The following TCF12 variants were observed in gnomAD, a reference collection of about 807,000 sequenced individuals.
The protein encoded by TCF12 is transcription factor 12, also known as DNA-binding protein HTF4.
A neutral mutation model predicts 86.0 loss-of-function variants in TCF12; 45 were observed. That is an observed-to-expected ratio of 0.52 (90% confidence interval 0.41 to 0.67). The LOEUF (loss-of-function observed/expected upper bound fraction) is 0.67. Ranked by LOEUF, TCF12 falls within the 30% of genes least tolerant of loss-of-function variation. The pLI is 0.00. For synonymous variants in TCF12, 330 were observed against 299.6 expected (o/e 1.10, Z -1.05); for missense variants, 881 against 859.9 (o/e 1.02, Z -0.31).
intron 3 of TCF12, among the ~76,000 whole-genome samples, chr15:56,997,649 C>T (rs1307625276): frequency 2.6e-5 from 4 of 151,952 alleles, no homozygotes; most frequent in African/African-American, 9.7e-5. Context: ...TTCAAATAAC[C>T]CAAAAGACAG....
At chr15:57,122,331 C>T (rs995823747) in intron 5 of TCF12, among the ~76,000 whole-genome samples, 2 of 152,074 alleles carry the variant, frequency 1.3e-5, no homozygotes, top group African/African-American at 4.8e-5. Context: ...CACTGGACTT[C>T]ATGTTTGTGG....
intron 3 of TCF12, among the ~76,000 whole-genome samples, chr15:57,051,415 C>T (rs2067606454): frequency 6.6e-6 from 1 of 152,116 alleles, no homozygotes. Flanking sequence ...CCTTGTGTTT[C>T]CCATCCGTAA....
intron 3 of TCF12, among the ~76,000 whole-genome samples, chr15:56,937,563 G>A (rs1224502047): frequency 4.0e-5 from 6 of 151,456 alleles, no homozygotes; most frequent in East Asian, 3.9e-4. Flanking sequence ...CTCTTGTCGG[G>A]TTCTCTGGCT....
chr15:57,074,371 A>G (rs1207483563), intron 4 of TCF12, among the ~76,000 whole-genome samples: 1 of 152,068 alleles, frequency 6.6e-6, no homozygotes, highest in African/African-American at 2.4e-5. Context: ...AAAAAAAAAA[A>G]AAAAAAAAAG....
chr15:57,254,823 A>AGTC (rs1555410186), intron 16 of TCF12, among the ~76,000 whole-genome samples: 38,202 of 145,446 alleles, frequency 0.26, 5,161 homozygotes, highest in African/African-American at 0.3. Context: ...ATGCTACTGC[A>AGTC]CTCCAGCCTA....
At chr15:57,175,463 C>T (rs1468073065) in intron 6 of TCF12, among the ~76,000 whole-genome samples, 1 of 152,148 alleles carries the variant, frequency 6.6e-6, no homozygotes, top group Non-Finnish European at 1.5e-5. Context: ...GTTTCCAGTC[C>T]CTTCTAGACT....
intron 5 of TCF12, among the ~76,000 whole-genome samples, chr15:57,150,873 C>CCGTCCCTT (rs2053687254): frequency 2.5e-5 from 1 of 40,626 alleles, no homozygotes; most frequent in African/African-American, 7.7e-5. Flanking sequence ...CCCCCTCTGT[C>CCGTCCCTT]CCTTCCTTCC....
intron 3 of TCF12, among the ~76,000 whole-genome samples, chr15:57,048,731 A>G (rs1220153793): frequency 6.6e-6 from 1 of 152,046 alleles, no homozygotes; most frequent in African/African-American, 2.4e-5. Flanking sequence ...TGATTTCTGT[A>G]TGTACCCATT....
intron 3 of TCF12, among the ~76,000 whole-genome samples, chr15:57,044,163 C>CT (rs1848116674): frequency 6.6e-6 from 1 of 152,124 alleles, no homozygotes. Flanking sequence ...TTTATATACT[C>CT]TTAGAAACAT....
At chr15:57,088,090 G>A (rs1425300136) in intron 4 of TCF12, among the ~76,000 whole-genome samples, 8 of 152,118 alleles carry the variant, frequency 5.3e-5, no homozygotes, top group African/African-American at 1.9e-4. Flanking sequence ...AATTGAAATA[G>A]CATTCATTTA....
chr15:57,247,699 T>C (rs112292862), intron 13 of TCF12: 5 of 743,348 alleles, frequency 6.7e-6, no homozygotes, highest in Non-Finnish European at 9.8e-6. Context: ...CACCAGACTT[T>C]ACAGAATCCT....
intron 8 of TCF12, among the ~76,000 whole-genome samples, chr15:57,229,550 G>C (rs575135147): frequency 6.6e-6 from 1 of 150,492 alleles, no homozygotes; most frequent in African/African-American, 2.4e-5. Context: ...GGACTAGCAC[G>C]AAGAGTAAAA....
chr15:57,170,983 A>G (rs2055446257), intron 6 of TCF12, among the ~76,000 whole-genome samples: 1 of 149,588 alleles, frequency 6.7e-6, no homozygotes, highest in African/African-American at 2.5e-5. Flanking sequence ...ATTTTGATTC[A>G]CATGGACTAG....
At chr15:56,993,342 G>T (rs1176465460) in intron 3 of TCF12, among the ~76,000 whole-genome samples, 4 of 152,142 alleles carry the variant, frequency 2.6e-5, no homozygotes, top group Non-Finnish European at 5.9e-5. Context: ...CAAAACTGAG[G>T]GATGAGAACT....
chr15:57,203,688 T>G (rs2057668870), intron 8 of TCF12, among the ~76,000 whole-genome samples: 1 of 152,212 alleles, frequency 6.6e-6, no homozygotes, highest in South Asian at 2.1e-4. Context: ...TATGTATATA[T>G]TCCCACAAAA....
chr15:56,971,009 T>A, intron 3 of TCF12, among the ~76,000 whole-genome samples: 1 of 152,154 alleles, frequency 6.6e-6, no homozygotes, highest in Non-Finnish European at 1.5e-5. Flanking sequence ...TTTGTGCCAC[T>A]GCACTCCAGT....
At chr15:56,931,731 C>T (rs898988376) in intron 3 of TCF12, among the ~76,000 whole-genome samples, 1 of 152,018 alleles carries the variant, frequency 6.6e-6, no homozygotes, top group Non-Finnish European at 1.5e-5. Context: ...TAAAATTTTC[C>T]TCAGGAGCTT....
intron 4 of TCF12, among the ~76,000 whole-genome samples, chr15:57,084,959 C>G (rs1416443527): frequency 6.6e-6 from 1 of 152,040 alleles, no homozygotes; most frequent in Non-Finnish European, 1.5e-5. Flanking sequence ...TTTTTAAGGA[C>G]AGGTAATTTT....
At position 57,003,652 on chromosome 15, in the gene TCF12, G is replaced by A. The variant is rs573624257; in HGVS notation, c.149-60098G>A. Among the ~76,000 whole-genome samples, 5 of 152,332 alleles carry A rather than the reference G, an allele frequency of 3.3e-5. No homozygotes were observed. The South Asian group carries it at 1.0e-3, about 32-fold the overall frequency. Reference sequence around the variant, plus strand: ...TTCGTTGTCTGCTGGGAATGTGCATGTTTGGTGACTCAGATTTTTTGTTAT... The same window carrying A: ...TTCGTTGTCTGCTGGGAATGTGCATATTTGGTGACTCAGATTTTTTGTTAT... On this transcript the variant is annotated intron_variant, in intron 3 of 20. Transcript: ENST00000333725.
Sources: gnomAD v4.1 joint callset for allele counts (sites outside exome capture counted in the v4.1 genomes callset) on GRCh38, gnomAD v4.1.1 for gene constraint, MANE v1.5 for transcripts, NCBI Gene and HGNC (gene_info 2026-07-23, HGNC 2026-07-21) for gene names.